Variants in SAR1B observed in about 807,000 individuals in gnomAD.
SAR1B encodes small COPII coat GTPase SAR1B.
A neutral mutation model predicts 26.8 loss-of-function variants in SAR1B; 23 were observed. That is an observed-to-expected ratio of 0.86 (90% CI 0.62 to 1.22). SAR1B has a LOEUF of 1.22. SAR1B is among the 50% of genes most tolerant of loss of function. The pLI is 0.00. For synonymous variants in SAR1B, 65 were observed against 80.8 expected (o/e 0.80, Z 1.05); for missense variants, 196 against 232.8 (o/e 0.84, Z 1.03).
At chr5:134,608,611 A>T in intron 5 of SAR1B, 108 bp from the exon 6 acceptor site, 2 of 1,211,118 alleles carry the variant, frequency 1.7e-6, no homozygotes, top group Non-Finnish European at 2.3e-6. Flanking sequence ...ATATCATGTC[A>T]TACCAACGTT....
rs1403339812 is a variant in SAR1B, at chr5:134,601,306, A to C, written c.*5644T>G. ...TCTTTGTTGTAAAACACACAAAGTTAAACAGAAACATCTTTATATAAATTA... is the reference window on the plus strand; with the variant it reads ...TCTTTGTTGTAAAACACACAAAGTTCAACAGAAACATCTTTATATAAATTA... On this transcript the variant is annotated 3_prime_UTR_variant, in exon 7 of 7. Coordinates refer to ENST00000402673, the MANE Select transcript of SAR1B (RefSeq NM_016103.4). The C allele has an allele frequency of 1.3e-5, 2 of 152,208 alleles. No individual in the cohort carries two copies. Among genetic ancestry groups the C allele is most frequent in the Non-Finnish European group, 2.9e-5 (2 of 68,044 alleles). The allele number at this position is 152,208 out of a possible 1,614,324, so 9.4% of individuals were successfully genotyped here. A position where few individuals can be genotyped will look rare whatever the true frequency, so the allele number is the denominator to read the frequency against.
intron 3 of SAR1B, among the ~76,000 whole-genome samples, chr5:134,616,909 G>C (rs1765324808): frequency 6.6e-6 from 1 of 152,096 alleles, no homozygotes; most frequent in Non-Finnish European, 1.5e-5. Flanking sequence ...GGACATTTGA[G>C]GTGTTTCCAG....
chr5:134,629,106 C>T (rs1765553003), intron 1 of SAR1B, among the ~76,000 whole-genome samples: 2 of 150,678 alleles, frequency 1.3e-5, no homozygotes, highest in Non-Finnish European at 2.9e-5. Flanking sequence ...CATAGTGAGA[C>T]CCTGTCTTTA....
rs1397886079 is a variant in SAR1B, at chr5:134,608,522, TACAAA to T, written c.349-24_349-20del. On this transcript the variant is annotated intron_variant, in intron 5 of 6. Transcript: ENST00000402673. ...TTAGTGACTGAAAAAAACAAAACAA[TACAAA>T]ACAAGAGTTGATATGAAACCATCCA... The T allele has an allele frequency of 7.5e-6, 12 of 1,606,996 alleles. No homozygotes were observed. Among genetic ancestry groups the T allele is most frequent in the African/African-American group, 1.3e-5 (1 of 74,810 alleles).
At chr5:134,631,996 AG>A (rs1765613410) in intron 1 of SAR1B, 1 of 152,276 alleles carries the variant, frequency 6.6e-6, no homozygotes, top group South Asian at 2.1e-4. Flanking sequence ...TCAGGAGATA[AG>A]AGACCATCCT....
intron 1 of SAR1B, among the ~76,000 whole-genome samples, chr5:134,632,407 G>A (rs1765623906): frequency 1.3e-5 from 2 of 152,056 alleles, no homozygotes; most frequent in African/African-American, 2.4e-5. Flanking sequence ...AGTGAGACCC[G>A]CCACCTTCAC....
intron 4 of SAR1B, among the ~76,000 whole-genome samples, chr5:134,610,882 C>T (rs913375172): frequency 1.3e-5 from 2 of 150,976 alleles, no homozygotes; most frequent in East Asian, 3.9e-4. Context: ...TTATGACATA[C>T]CTTTTTTTTT....
In SAR1B at chr5:134,606,000, T is replaced by C. The variant is rs936758609; in HGVS notation, c.*950A>G. On this transcript the variant is annotated 3_prime_UTR_variant, in exon 7 of 7. Coordinates refer to ENST00000402673, the MANE Select transcript of SAR1B (RefSeq NM_016103.4). Reference sequence around the variant, plus strand: ...AATGTGGAGACACTGGTGCCTGTCATTGCTTTTGGGGAAGAGGCACAGATT... The same window carrying C: ...AATGTGGAGACACTGGTGCCTGTCACTGCTTTTGGGGAAGAGGCACAGATT... The C allele has an allele frequency of 6.6e-6, 1 of 152,204 alleles. No individual in the cohort carries two copies. Among genetic ancestry groups the C allele is most frequent in the African/African-American group, 2.4e-5 (1 of 41,446 alleles). 9.4% of individuals were successfully genotyped at this position (152,204 alleles called of 1,614,324 possible). A position where few individuals can be genotyped will look rare whatever the true frequency, so the allele number is the denominator to read the frequency against.
At chr5:134,630,911 T>TTTTTTTTTTTTTTTTTTTTTC in intron 1 of SAR1B, among the ~76,000 whole-genome samples, 1 of 142,830 alleles carries the variant, frequency 7.0e-6, no homozygotes, top group Non-Finnish European at 1.5e-5. Flanking sequence ...TTTTTTTTTT[T>TTTTTTTTTTTTTTTTTTTTTC]TTTTTTAGCA....
At chr5:134,630,851 G>C (rs1765588419) in intron 1 of SAR1B, among the ~76,000 whole-genome samples, 1 of 147,618 alleles carries the variant, frequency 6.8e-6, no homozygotes, top group African/African-American at 2.5e-5. Context: ...AAATGATGTG[G>C]CAATGATTTT....
intron 3 of SAR1B, chr5:134,614,697 A>G (rs1237611834): frequency 1.3e-5 from 2 of 152,182 alleles, no homozygotes; most frequent in African/African-American, 4.8e-5. Context: ...TCTCTGTCCT[A>G]GCAAAAAAAT....
chr5:134,615,521 A>G (rs1374778468), intron 3 of SAR1B, among the ~76,000 whole-genome samples: 1 of 141,112 alleles, frequency 7.1e-6, no homozygotes, highest in Non-Finnish European at 1.5e-5. Context: ...TCTGAAAATA[A>G]GAAGAAATTC....
At chr5:134,621,175 T>A in intron 2 of SAR1B, 123 bp from the exon 3 acceptor site, 1 of 1,157,586 alleles carries the variant, frequency 8.6e-7, no homozygotes, top group Non-Finnish European at 1.2e-6. Context: ...AAAGCTATTT[T>A]AAATCTATTC....
chr5:134,620,652 G>C (rs1035721812), intron 3 of SAR1B, among the ~76,000 whole-genome samples: 1 of 152,146 alleles, frequency 6.6e-6, no homozygotes, highest in Non-Finnish European at 1.5e-5. Flanking sequence ...CTTGAGCTCA[G>C]GAGTTCAAGA....
Position 134,606,641 on chromosome 5 carries a change from T to C in SAR1B, c.*309A>G, listed in dbSNP as rs1580644809. On this transcript the variant is annotated 3_prime_UTR_variant, in exon 7 of 7. Transcript: ENST00000402673. Reference sequence around the variant, plus strand: ...CTTTTAAATATGGTTTATAGTTTCATGTTGTTAAAAAGTGCTTCAAATGTA... The same window carrying C: ...CTTTTAAATATGGTTTATAGTTTCACGTTGTTAAAAAGTGCTTCAAATGTA... 1 of 308,764 alleles carries C rather than the reference T, an allele frequency of 3.2e-6. No homozygotes were observed. The highest frequency in any genetic ancestry group is 7.4e-5 in the East Asian group (1 of 13,568). The allele number at this position is 308,764 out of a possible 1,614,324, so 19.1% of individuals were successfully genotyped here.
intron 3 of SAR1B, among the ~76,000 whole-genome samples, chr5:134,618,656 C>T (rs1205744724): frequency 6.6e-6 from 1 of 152,184 alleles, no homozygotes; most frequent in Non-Finnish European, 1.5e-5. Context: ...TAACTTTATT[C>T]TCAAATTCGT....
intron 2 of SAR1B, among the ~76,000 whole-genome samples, chr5:134,622,378 G>T (rs1423829577): frequency 6.7e-6 from 1 of 150,090 alleles, no homozygotes; most frequent in Non-Finnish European, 1.5e-5. Flanking sequence ...TCGAGTAATT[G>T]AACATATTTG....
At chr5:134,627,381 TCA>T (rs1765511659) in intron 1 of SAR1B, among the ~76,000 whole-genome samples, 1 of 151,408 alleles carries the variant, frequency 6.6e-6, no homozygotes, top group Non-Finnish European at 1.5e-5. Flanking sequence ...AGTCTCCCTC[TCA>T]CCCAGGGAGC....
chr5:134,614,373 T>C (rs1293468465), intron 3 of SAR1B: 1 of 152,232 alleles, frequency 6.6e-6, no homozygotes, highest in Non-Finnish European at 1.5e-5. Context: ...ACTTTCCTGT[T>C]TCTTTGCATG....
Sources: allele counts gnomAD v4.1 joint callset (sites outside exome capture counted in the v4.1 genomes callset), GRCh38; gene constraint gnomAD v4.1.1; transcripts MANE v1.5; gene names NCBI Gene and HGNC (gene_info 2026-07-23, HGNC 2026-07-21).